Variants in VSTM2A observed in about 807,000 individuals in gnomAD.
VSTM2A encodes the protein V-set and transmembrane domain-containing protein 2A.
Under a neutral mutation model 27.3 loss-of-function variants are expected in VSTM2A, and 13 were observed. That is an observed-to-expected ratio of 0.48 (90% confidence interval 0.31 to 0.76). VSTM2A has a LOEUF of 0.76. VSTM2A is among the 30% of genes least tolerant of loss of function. The pLI, the probability that VSTM2A is intolerant of heterozygous loss-of-function variation, is 0.05. For synonymous variants in VSTM2A, 142 were observed against 125.7 expected (o/e 1.13, Z -0.87); for missense variants, 280 against 310.0 (o/e 0.90, Z 0.73).
Position 54,570,553 on chromosome 7 carries a change from C to A in VSTM2A, c.*1334C>A, listed in dbSNP as rs558565850. 1.1e-4 allele frequency: 17 copies of A among 152,176 alleles called. No individual in the cohort carries two copies. The highest frequency in any genetic ancestry group is 7.9e-4 in the Admixed American group (12 of 15,262). The allele number at this position is 152,176 out of a possible 1,614,324, so 9.4% of individuals were successfully genotyped here. ...TATGCAAAAGATGATGGCAGGTCCC[C>A]GACTAAAGAAGATTAATGTGTTCAG... On this transcript the variant is annotated 3_prime_UTR_variant, in exon 5 of 5. Transcript: ENST00000402613.
At chr7:54,554,540 T>A (rs770248107) in intron 4 of VSTM2A, among the ~76,000 whole-genome samples, 18 of 152,208 alleles carry the variant, frequency 1.2e-4, no homozygotes, top group Non-Finnish European at 2.1e-4. Context: ...ATCCCATGCA[T>A]TGAAGCCTAT....
chr7:54,562,912 ACAGT>A (rs555672444), intron 4 of VSTM2A, among the ~76,000 whole-genome samples: 72 of 152,382 alleles, frequency 4.7e-4, no homozygotes, highest in Non-Finnish European at 8.1e-4. Context: ...ATGAAAGCAG[ACAGT>A]CAGGAAGCAT....
chr7:54,546,838 C>CCCTGGTCGCTCCCCTGTCA, intron 2 of VSTM2A, 109 bp from the exon 3 acceptor site: 1 of 1,472,266 alleles, frequency 6.8e-7, no homozygotes, highest in Non-Finnish European at 9.1e-7. Flanking sequence ...CTCCCCTGTC[C>CCCTGGTCGCTCCCCTGTCA]CCAGGTCACC....
chr7:54,545,104 G>C (rs940890192), intron 2 of VSTM2A, among the ~76,000 whole-genome samples: 1 of 152,016 alleles, frequency 6.6e-6, no homozygotes, highest in African/African-American at 2.4e-5. Flanking sequence ...ACATCCGGGA[G>C]CCCCTTTCCA....
chr7:54,553,825 A>G (rs955203190), intron 4 of VSTM2A: 3 of 1,550,502 alleles, frequency 1.9e-6, no homozygotes, highest in African/African-American at 1.4e-5. Context: ...ATACCCCAAT[A>G]TACTAAGTCA....
intron 4 of VSTM2A, chr7:54,554,145 C>T (rs930623188): frequency 1.6e-5 from 25 of 1,532,422 alleles, no homozygotes; most frequent in South Asian, 3.7e-5. Flanking sequence ...TTCCAATTCC[C>T]CACCCTCTCA....
At chr7:54,550,538 G>A (rs1788157060) in intron 4 of VSTM2A, 1 of 336,282 alleles carries the variant, frequency 3.0e-6, no homozygotes, top group South Asian at 9.2e-5. Context: ...CAAATTAAGA[G>A]GCTTTCACTT....
intron 2 of VSTM2A, chr7:54,546,738 G>T (rs1047541879): frequency 1.9e-6 from 1 of 537,280 alleles, no homozygotes; most frequent in Admixed American, 3.9e-5. Flanking sequence ...GGACGGCGTG[G>T]GGTATGCCAG....
intron 4 of VSTM2A, among the ~76,000 whole-genome samples, chr7:54,561,412 G>T (rs1788559143): frequency 6.6e-6 from 1 of 152,250 alleles, no homozygotes; most frequent in East Asian, 1.9e-4. Flanking sequence ...TGCCTATGTA[G>T]CAATGGTCAG....
Position 54,547,827 on chromosome 7 carries a change from C to T in VSTM2A, c.297+830C>T, listed in dbSNP as rs377596975. On this transcript the variant is annotated intron_variant, in intron 3 of 4. Transcript: ENST00000402613. ...TTAAAAGAAAATGTATTTTAAGGCT[C>T]TTACAATAGCGTAAAGTGGTAGAAG... is the stretch of plus-strand genomic sequence containing the variant. 6.6e-5 allele frequency among the ~76,000 whole-genome samples: 10 copies of T among 152,162 alleles called. No individual in the cohort carries two copies. The South Asian group carries it at 1.2e-3, about 19-fold the overall frequency.
At chr7:54,548,167 C>A (rs1002591861) in intron 3 of VSTM2A, among the ~76,000 whole-genome samples, 2 of 152,134 alleles carry the variant, frequency 1.3e-5, no homozygotes, top group Non-Finnish European at 2.9e-5. Context: ...CTTCACCCTT[C>A]ACCCGTCCCC....
intron 1 of VSTM2A, among the ~76,000 whole-genome samples, chr7:54,544,164 T>C (rs1787868310): frequency 6.6e-6 from 1 of 152,216 alleles, no homozygotes; most frequent in African/African-American, 2.4e-5. Flanking sequence ...GGAATGTGCA[T>C]TTTGACAGAT....
chr7:54,553,854 CTG>C (rs1454585930), intron 4 of VSTM2A: 1 of 1,551,188 alleles, frequency 6.4e-7, no homozygotes, highest in South Asian at 1.2e-5. Context: ...TTGTTTCTTC[CTG>C]TCTCATCCAG....
At chr7:54,559,951 A>G (rs1788499500) in intron 4 of VSTM2A, 2 of 152,004 alleles carry the variant, frequency 1.3e-5, no homozygotes, top group Non-Finnish European at 2.9e-5. Context: ...AAAGAAAAAA[A>G]GAAAATGTAC....
At chr7:54,545,781 A>G (rs9801670) in intron 2 of VSTM2A, among the ~76,000 whole-genome samples, 82,932 of 83,424 alleles carry the variant, frequency 0.99, 41,233 homozygotes, top group Middle Eastern at 1. Flanking sequence ...GGAGAAGAGA[A>G]GGAGAGAGGG....
chr7:54,549,036 A>C (rs1220248729), intron 3 of VSTM2A, among the ~76,000 whole-genome samples: 1 of 149,952 alleles, frequency 6.7e-6, no homozygotes, highest in Non-Finnish European at 1.5e-5. Context: ...TATATAATAT[A>C]AAATCATATA....
rs1435100554 is a variant in VSTM2A at position 54,550,237 on chromosome 7, A to C, written c.634+67A>C. On this transcript the variant is annotated intron_variant, in intron 4 of 4. Transcript: ENST00000402613. The stretch of plus-strand genomic sequence containing the variant: ...AACGCTCCACAGAAAGGTCAGTCGT[A>C]TAGAGTAGACAGATTTATGAATGGT... The C allele has an allele frequency of 2.6e-6, 4 of 1,548,998 alleles. No individual in the cohort carries two copies. In the African/African-American group the frequency reaches 4.1e-5, roughly 16 times the overall value.
At chr7:54,544,895 G>A in intron 2 of VSTM2A, 107 bp downstream of exon 2, 1 of 1,337,356 alleles carries the variant, frequency 7.5e-7, no homozygotes, top group Non-Finnish European at 1.0e-6. Context: ...CTGGGGACCT[G>A]CCCGGTTCTG....
chr7:54,548,385 T>C (rs942373302), intron 3 of VSTM2A, among the ~76,000 whole-genome samples: 1 of 152,230 alleles, frequency 6.6e-6, no homozygotes, highest in Non-Finnish European at 1.5e-5. Context: ...ACCTTGAACA[T>C]ATTTTCTCAA....
Sources: gnomAD v4.1 joint callset for allele counts (sites outside exome capture counted in the v4.1 genomes callset) on GRCh38, gnomAD v4.1.1 for gene constraint, MANE v1.5 for transcripts, NCBI Gene and HGNC (gene_info 2026-07-23, HGNC 2026-07-21) for gene names.